The following COLEC12 variants were observed in gnomAD, a reference collection of about 807,000 sequenced individuals.
COLEC12 encodes collectin subfamily member 12.
A neutral mutation model predicts 71.1 loss-of-function variants in COLEC12; 33 were observed. The observed-to-expected ratio is 0.46, with a 90% CI of 0.35 to 0.62. The LOEUF (loss-of-function observed/expected upper bound fraction) is 0.62. Ranked by LOEUF, COLEC12 falls within the 20% of genes least tolerant of loss-of-function variation. The pLI is 0.00. For synonymous variants in COLEC12, 350 were observed against 353.0 expected, an observed-to-expected ratio of 0.99 and a Z score of 0.10; for missense variants, 765 against 916.1, an observed-to-expected ratio of 0.84 and a Z score of 2.13.
At chr18:467,873 A>G (rs1917117025) in intron 2 of COLEC12, among the ~76,000 whole-genome samples, 1 of 146,308 alleles carries the variant, frequency 6.8e-6, no homozygotes, top group Non-Finnish European at 1.5e-5. Context: ...TTTGCCAACT[A>G]AATTTTACAT....
chr18:392,369 T>C (rs939349205), intron 2 of COLEC12, among the ~76,000 whole-genome samples: 1 of 152,228 alleles, frequency 6.6e-6, no homozygotes, highest in South Asian at 2.1e-4. Flanking sequence ...CGAACATCCA[T>C]GCTAACTTGA....
intron 2 of COLEC12, among the ~76,000 whole-genome samples, chr18:376,219 C>T (rs1915110304): frequency 6.6e-6 from 1 of 152,172 alleles, no homozygotes; most frequent in Non-Finnish European, 1.5e-5. Flanking sequence ...AATAATGGCT[C>T]CAGAATCCAG....
intron 2 of COLEC12, among the ~76,000 whole-genome samples, chr18:464,862 G>A (rs182420925): frequency 9.8e-4 from 150 of 152,332 alleles, no homozygotes; most frequent in African/African-American, 3.3e-3. Context: ...AGAGTTAGCA[G>A]GTTCACAGAA....
At chr18:420,905 C>A (rs544862718) in intron 2 of COLEC12, among the ~76,000 whole-genome samples, 2 of 151,918 alleles carry the variant, frequency 1.3e-5, no homozygotes, top group African/African-American at 2.4e-5. Flanking sequence ...CCCATAGAAC[C>A]CAGGAAGCAA....
rs148100944 is a variant in COLEC12, at chr18:496,106, G to A, written c.7+4402C>T. On this transcript the variant is annotated intron_variant, in intron 1 of 9. Coordinates refer to ENST00000400256, the MANE Select transcript of COLEC12 (RefSeq NM_130386.3). ...CCCATTTGAAAGCTAATACTTCAAG[G>A]TCCATTTAACTTTATTTGGCAGCGG... Among the ~76,000 whole-genome samples, 684 of 152,236 alleles carry A rather than the reference G, an allele frequency of 4.5e-3. 2 individuals carry two copies. Among genetic ancestry groups the A allele is most frequent in the African/African-American group, 0.015 (631 of 41,538 alleles).
At chr18:372,837 G>T (rs8083599) in intron 2 of COLEC12, among the ~76,000 whole-genome samples, 34,950 of 152,122 alleles carry the variant, frequency 0.23, 4,402 homozygotes, top group East Asian at 0.35. Flanking sequence ...GACACAGGAA[G>T]TGTCATGATG....
In COLEC12 at chr18:345,581, C is replaced by T. The variant is rs1429908483; in HGVS notation, c.1327+714G>A. Among the ~76,000 whole-genome samples the T allele has an allele frequency of 2.6e-5, 4 of 152,186 alleles. 1 individual carries two copies. Among genetic ancestry groups the T allele is most frequent in the African/African-American group, 9.7e-5 (4 of 41,444 alleles). ...TGACCTTACTGTGACCTCTGTGTTA[C>T]TGTGATGGCCAACCATTCATCTACT... On this transcript the variant is annotated intron_variant, in intron 5 of 9. Coordinates refer to ENST00000400256, the MANE Select transcript of COLEC12 (RefSeq NM_130386.3).
Position 480,606 on chromosome 18 carries a change from T to C in COLEC12, c.58+101A>G, listed in dbSNP as rs1240021052. On this transcript the variant is annotated intron_variant, in intron 2 of 9. Transcript: ENST00000400256. The surrounding 1 kb of genome is among the most constrained non-coding windows in gnomAD (Gnocchi z 4.1). ...GACCTCAGAGCCACAAACACCCATGTGCATGAAGGGCCTGCCAGTGGCCTG... is the reference window on the plus strand; with the variant it reads ...GACCTCAGAGCCACAAACACCCATGCGCATGAAGGGCCTGCCAGTGGCCTG... The C allele has an allele frequency of 8.9e-6, 9 of 1,016,712 alleles. No individual in the cohort carries two copies. Among genetic ancestry groups the C allele is most frequent in the African/African-American group, 1.6e-5 (1 of 63,404 alleles). The allele number at this position is 1,016,712 out of a possible 1,614,324, so 63.0% of individuals were successfully genotyped here. A position where few individuals can be genotyped will look rare whatever the true frequency, so the allele number is the denominator to read the frequency against.
chr18:494,071 A>G (rs1402187607), intron 1 of COLEC12, among the ~76,000 whole-genome samples: 1 of 152,184 alleles, frequency 6.6e-6, no homozygotes, highest in Non-Finnish European at 1.5e-5. Flanking sequence ...CAAATAGAAA[A>G]ACTGTTTCAT....
At chr18:385,053 C>T (rs913959952) in intron 2 of COLEC12, among the ~76,000 whole-genome samples, 1 of 152,172 alleles carries the variant, frequency 6.6e-6, no homozygotes, top group Non-Finnish European at 1.5e-5. Flanking sequence ...CTGGAGGAGA[C>T]CCCTGCTGTT....
intron 8 of COLEC12, among the ~76,000 whole-genome samples, chr18:328,598 T>C (rs1913899532): frequency 6.6e-6 from 1 of 152,224 alleles, no homozygotes; most frequent in African/African-American, 2.4e-5. Context: ...TCTTGAGCAC[T>C]TCCTATGTGC....
At chr18:431,556 T>C (rs1168559782) in intron 2 of COLEC12, among the ~76,000 whole-genome samples, 5 of 152,152 alleles carry the variant, frequency 3.3e-5, no homozygotes, top group Non-Finnish European at 7.3e-5. Flanking sequence ...AGGTGTTTAG[T>C]CTGGGCAAAT....
intron 2 of COLEC12, among the ~76,000 whole-genome samples, chr18:358,498 C>T (rs1199841318): frequency 1.3e-5 from 2 of 152,214 alleles, no homozygotes; most frequent in Non-Finnish European, 2.9e-5. Flanking sequence ...AAGGAGCGCA[C>T]AACCTAGATC....
intron 8 of COLEC12, among the ~76,000 whole-genome samples, chr18:322,323 T>G (rs556307890): frequency 6.9e-4 from 105 of 152,250 alleles, no homozygotes; most frequent in African/African-American, 2.5e-3. Context: ...TGATATACAT[T>G]TACAAGAACC....
chr18:328,152 T>C (rs2143420144), intron 8 of COLEC12, among the ~76,000 whole-genome samples: 2 of 152,336 alleles, frequency 1.3e-5, no homozygotes, highest in East Asian at 3.9e-4. Context: ...TAGGAATTTA[T>C]CCATTCTTCT....
chr18:443,785 T>C (rs1029283177), intron 2 of COLEC12, among the ~76,000 whole-genome samples: 6 of 152,178 alleles, frequency 3.9e-5, no homozygotes, highest in African/African-American at 1.4e-4. Flanking sequence ...AGGTGGGGCC[T>C]GGTAGGAGGT....
At chr18:326,332 A>G (rs916258974) in intron 8 of COLEC12, among the ~76,000 whole-genome samples, 1 of 152,028 alleles carries the variant, frequency 6.6e-6, no homozygotes, top group African/African-American at 2.4e-5. Flanking sequence ...CATACTCTAT[A>G]TAGTTCTAGT....
At chr18:416,569 CTCTT>C (rs1414713610) in intron 2 of COLEC12, among the ~76,000 whole-genome samples, 3 of 152,154 alleles carry the variant, frequency 2.0e-5, no homozygotes, top group Admixed American at 6.5e-5. Flanking sequence ...GGTAGGGAAT[CTCTT>C]TCATTATGAG....
Position 319,988 on chromosome 18 carries a change from G to C in COLEC12, c.*57C>G. On this transcript the variant is annotated 3_prime_UTR_variant, in exon 10 of 10. Transcript: ENST00000400256. Reference sequence around the variant, plus strand: ...ATGAGAAGGTGATGCAATTAGAAAGGAGTGTCCTTTGCCTTTGAGAGCTGA... The same window carrying C: ...ATGAGAAGGTGATGCAATTAGAAAGCAGTGTCCTTTGCCTTTGAGAGCTGA... The C allele has an allele frequency of 3.9e-6, 4 of 1,037,416 alleles. No homozygotes were observed. Among genetic ancestry groups the C allele is most frequent in the Non-Finnish European group, 5.8e-6 (4 of 684,794 alleles). The allele number at this position is 1,037,416 out of a possible 1,614,324, so 64.3% of individuals were successfully genotyped here.
Sources: allele counts gnomAD v4.1 joint callset (sites outside exome capture counted in the v4.1 genomes callset), GRCh38; gene constraint gnomAD v4.1.1; non-coding constraint Gnocchi (gnomAD v3.1); transcripts MANE v1.5; gene names NCBI Gene and HGNC (gene_info 2026-07-23, HGNC 2026-07-21).